The following MAGI2 variants were observed in gnomAD, a reference collection of about 807,000 sequenced individuals.
The protein encoded by MAGI2 is membrane-associated guanylate kinase, WW and PDZ domain-containing protein 2.
Under a neutral mutation model 133.3 loss-of-function variants are expected in MAGI2, and 35 were observed. That is an observed-to-expected ratio of 0.26 (90% CI 0.20 to 0.35). The LOEUF (loss-of-function observed/expected upper bound fraction) is 0.35. MAGI2 is among the 10% of genes least tolerant of loss of function. The pLI is 1.00. For missense variants in MAGI2, 1,636 were observed against 1,863.4 expected, an observed-to-expected ratio of 0.88 and a Z score of 2.25; for synonymous variants, 729 against 710.6, an observed-to-expected ratio of 1.03 and a Z score of -0.41.
chr7:78,718,668 G>A (rs1819959800), intron 2 of MAGI2, among the ~76,000 whole-genome samples: 1 of 151,742 alleles, frequency 6.6e-6, no homozygotes, highest in African/African-American at 2.4e-5. Flanking sequence ...TGATTCTATG[G>A]TGCATTGTGT....
intron 21 of MAGI2, among the ~76,000 whole-genome samples, chr7:78,071,648 A>G (rs972031758): frequency 6.6e-6 from 1 of 152,074 alleles, no homozygotes; most frequent in Non-Finnish European, 1.5e-5. Context: ...TGCTGCAGAG[A>G]GCATCCTGAG....
At chr7:79,168,142 C>G (rs1186298032) in intron 1 of MAGI2, among the ~76,000 whole-genome samples, 1 of 151,826 alleles carries the variant, frequency 6.6e-6, no homozygotes, top group Non-Finnish European at 1.5e-5. Flanking sequence ...GTGGGTAAAT[C>G]TCTGTTCGGG....
intron 2 of MAGI2, among the ~76,000 whole-genome samples, chr7:78,882,891 A>G (rs1055861781): frequency 4.6e-5 from 7 of 152,138 alleles, no homozygotes; most frequent in Non-Finnish European, 1.0e-4. Flanking sequence ...ACAAACACAC[A>G]GCCAACATCA....
intron 2 of MAGI2, among the ~76,000 whole-genome samples, chr7:78,815,756 A>G (rs913716944): frequency 2.6e-5 from 4 of 152,218 alleles, no homozygotes; most frequent in South Asian, 2.1e-4. Context: ...ATTAATCAAG[A>G]AATGTATATA....
intron 1 of MAGI2, among the ~76,000 whole-genome samples, chr7:79,038,962 A>T (rs1190349681): frequency 6.6e-6 from 1 of 152,236 alleles, no homozygotes; most frequent in Non-Finnish European, 1.5e-5. Flanking sequence ...TTACTCCATT[A>T]TAAGTGGATA....
intron 2 of MAGI2, among the ~76,000 whole-genome samples, chr7:78,919,700 T>C (rs1015609166): frequency 1.3e-5 from 2 of 152,134 alleles, no homozygotes; most frequent in Admixed American, 6.6e-5. Context: ...CTATCAAAAT[T>C]ACTAGGCAGA....
intron 15 of MAGI2, among the ~76,000 whole-genome samples, chr7:78,161,110 T>G (rs1017039115): frequency 6.6e-6 from 1 of 152,196 alleles, no homozygotes; most frequent in African/African-American, 2.4e-5. Context: ...AAGGAGCTGT[T>G]GAAGGTCTTT....
chr7:78,419,743 C>T (rs1254169956), intron 6 of MAGI2, among the ~76,000 whole-genome samples: 1 of 151,790 alleles, frequency 6.6e-6, no homozygotes, highest in African/African-American at 2.4e-5. Context: ...TAAGCATATA[C>T]GTTAGCAGTT....
chr7:79,404,892 G>C (rs933542035), intron 1 of MAGI2, among the ~76,000 whole-genome samples: 6 of 152,086 alleles, frequency 3.9e-5, no homozygotes, highest in Admixed American at 2.0e-4. Context: ...TGTCCTCCTA[G>C]GCCCAAAGGA....
At chr7:78,922,317 T>C (rs1161537431) in intron 2 of MAGI2, among the ~76,000 whole-genome samples, 1 of 151,942 alleles carries the variant, frequency 6.6e-6, no homozygotes, top group Non-Finnish European at 1.5e-5. Flanking sequence ...GCATTAGGTA[T>C]TTCTCCTAAT....
intron 2 of MAGI2, among the ~76,000 whole-genome samples, chr7:78,946,409 A>G (rs1447531823): frequency 2.0e-5 from 3 of 152,216 alleles, no homozygotes; most frequent in Admixed American, 6.5e-5. Flanking sequence ...TCTTATTGGT[A>G]TATTGCAAAG....
intron 1 of MAGI2, among the ~76,000 whole-genome samples, chr7:79,374,496 G>T (rs1024128849): frequency 2.6e-5 from 4 of 151,874 alleles, no homozygotes; most frequent in African/African-American, 9.7e-5. Context: ...CTTGCTTTTG[G>T]ACTTCTAGTC....
intron 1 of MAGI2, among the ~76,000 whole-genome samples, chr7:79,311,849 G>C (rs998007710): frequency 2.0e-5 from 3 of 151,930 alleles, no homozygotes; most frequent in East Asian, 1.9e-4. Flanking sequence ...AAGCTACTTA[G>C]ACAAAAAATC....
chr7:78,543,383 T>C (rs1798567964), intron 3 of MAGI2, among the ~76,000 whole-genome samples: 1 of 152,160 alleles, frequency 6.6e-6, no homozygotes, highest in South Asian at 2.1e-4. Context: ...TAAATTGATA[T>C]TGAAAGGACA....
At chr7:78,337,352 A>C (rs1462726256) in intron 9 of MAGI2, among the ~76,000 whole-genome samples, 2 of 152,170 alleles carry the variant, frequency 1.3e-5, no homozygotes, top group African/African-American at 4.8e-5. Flanking sequence ...AAAGCAGCCA[A>C]AGGCACACTG....
intron 1 of MAGI2, among the ~76,000 whole-genome samples, chr7:79,065,085 C>T (rs79792491): frequency 5.3e-5 from 8 of 152,056 alleles, no homozygotes. Context: ...TTGTGAGTCA[C>T]TGTATTTGTG....
At chr7:79,228,686 T>C (rs570214966) in intron 1 of MAGI2, among the ~76,000 whole-genome samples, 6 of 152,110 alleles carry the variant, frequency 3.9e-5, no homozygotes, top group Non-Finnish European at 2.9e-5. Flanking sequence ...TTATTTATGG[T>C]TGTGATTGTT....
intron 2 of MAGI2, among the ~76,000 whole-genome samples, chr7:78,956,373 C>T (rs1017623806): frequency 1.3e-5 from 2 of 152,074 alleles, no homozygotes; most frequent in African/African-American, 4.8e-5. Context: ...CTCTAAAGGG[C>T]ATTATAGTCT....
At chr7:78,585,384 A>G (rs1164875805) in intron 3 of MAGI2, among the ~76,000 whole-genome samples, 1 of 152,226 alleles carries the variant, frequency 6.6e-6, no homozygotes, top group African/African-American at 2.4e-5. Context: ...ATACTCAGGT[A>G]TCTGAAGGTT....
Sources: gnomAD v4.1 joint callset for allele counts (sites outside exome capture counted in the v4.1 genomes callset) on GRCh38, gnomAD v4.1.1 for gene constraint, MANE v1.5 for transcripts, NCBI Gene and HGNC (gene_info 2026-07-23, HGNC 2026-07-21) for gene names.